The following DMD variants were observed in gnomAD, a reference collection of about 807,000 sequenced individuals.
DMD encodes mutant dystrophin.
In DMD, 63 loss-of-function variants were observed where a neutral mutation model predicts 330.1. The ratio of observed to expected loss-of-function variants is 0.19; its 90% CI spans 0.16 to 0.24. The LOEUF (loss-of-function observed/expected upper bound fraction) is 0.24. DMD is among the 10% of genes least tolerant of loss of function. The probability of loss-of-function intolerance (pLI) is 1.00; values close to 1 mark genes in which losing one functional copy is unlikely to be tolerated. For synonymous variants in DMD, 1,223 were observed against 959.8 expected, an observed-to-expected ratio of 1.27 and a Z score of -5.07; for missense variants, 3,344 against 2,684.1, an observed-to-expected ratio of 1.25 and a Z score of -5.43.
chrX:32,865,215 T>TA (rs2082386911), intron 2 of DMD, among the ~76,000 whole-genome samples: 1 of 111,367 alleles, frequency 9.0e-6, no homozygotes, highest in Non-Finnish European at 1.9e-5. Context: ...AGATAAAAGA[T>TA]AAAAACATAC....
chrX:31,491,978 G>A (rs768961545), intron 57 of DMD, among the ~76,000 whole-genome samples: 1 of 111,904 alleles, frequency 8.9e-6, no homozygotes, highest in African/African-American at 3.2e-5. Context: ...ATTTTAATGG[G>A]ATTTGTATCC....
intron 1 of DMD, among the ~76,000 whole-genome samples, chrX:33,146,119 C>T (rs932215384): frequency 2.7e-5 from 3 of 110,505 alleles, no homozygotes; most frequent in Non-Finnish European, 3.8e-5. Flanking sequence ...TGGTCTTGAT[C>T]TCCTAACCTC....
chrX:32,524,223 C>T (rs1054021568), intron 17 of DMD, among the ~76,000 whole-genome samples: 1 of 111,753 alleles, frequency 8.9e-6, no homozygotes, highest in South Asian at 3.7e-4. Flanking sequence ...CGTGAGCCAC[C>T]GCGCCCGGCC....
chrX:31,298,226 T>C (rs1480798866), intron 62 of DMD, among the ~76,000 whole-genome samples: 1 of 112,007 alleles, frequency 8.9e-6, no homozygotes, highest in Non-Finnish European at 1.9e-5. Context: ...TTTTGTATAA[T>C]AAATGAAAAT....
chrX:32,561,481 T>C (rs2050998309), intron 16 of DMD, among the ~76,000 whole-genome samples: 2 of 111,930 alleles, frequency 1.8e-5, no homozygotes, highest in South Asian at 7.5e-4. Context: ...AAAATGAATG[T>C]ACAAAACGTC....
intron 1 of DMD, among the ~76,000 whole-genome samples, chrX:33,071,939 T>C (rs1342006148): frequency 6.2e-5 from 7 of 112,287 alleles, no homozygotes. Context: ...TTATATATCT[T>C]TCAAAAATAG....
chrX:31,769,515 A>T (rs761730257), intron 51 of DMD, among the ~76,000 whole-genome samples: 24 of 112,136 alleles, frequency 2.1e-4, no homozygotes, highest in Admixed American at 1.8e-3. Flanking sequence ...AGCTGTATCC[A>T]ATCTTTTGGC....
chrX:32,492,303 A>G (rs1464080174), intron 19 of DMD, among the ~76,000 whole-genome samples: 2 of 112,383 alleles, frequency 1.8e-5, no homozygotes, highest in Non-Finnish European at 3.8e-5. Flanking sequence ...GCGCCACTGC[A>G]CTCCAGCCTG....
chrX:32,101,378 A>G (rs1405898064), intron 44 of DMD, among the ~76,000 whole-genome samples: 2 of 111,192 alleles, frequency 1.8e-5, no homozygotes, highest in African/African-American at 6.5e-5. Context: ...AAGCTCGGAA[A>G]CCTCACACAG....
chrX:31,712,079 A>G (rs2084680254), intron 52 of DMD, among the ~76,000 whole-genome samples: 1 of 111,826 alleles, frequency 8.9e-6, no homozygotes, highest in Non-Finnish European at 1.9e-5. Context: ...AGAAGAGAGG[A>G]TTACAAAAAA....
chrX:32,528,039 C>T (rs1055205734), intron 17 of DMD, among the ~76,000 whole-genome samples: 12 of 112,145 alleles, frequency 1.1e-4, no homozygotes, highest in Non-Finnish European at 1.3e-4. Context: ...CCAGGCGTGG[C>T]GGCTCATGCC....
At chrX:32,023,729 G>A (rs1194329829) in intron 44 of DMD, among the ~76,000 whole-genome samples, 3 of 111,644 alleles carry the variant, frequency 2.7e-5, no homozygotes, top group Admixed American at 9.5e-5. Context: ...AATGTGGCGC[G>A]TATACACCAT....
At chrX:31,172,970 T>C (rs1025546128) in intron 72 of DMD, among the ~76,000 whole-genome samples, 1 of 111,846 alleles carries the variant, frequency 8.9e-6, no homozygotes, top group African/African-American at 3.2e-5. Context: ...TTGTTTGTTT[T>C]TTTACAACTA....
chrX:32,627,760 G>C (rs2058447984), intron 11 of DMD, among the ~76,000 whole-genome samples: 1 of 110,896 alleles, frequency 9.0e-6, no homozygotes, highest in Admixed American at 9.6e-5. Context: ...AAGTTCATTT[G>C]GTGGAATTTT....
chrX:32,663,184 C>A (rs2061061682), intron 9 of DMD, among the ~76,000 whole-genome samples: 1 of 111,655 alleles, frequency 9.0e-6, no homozygotes, highest in South Asian at 3.8e-4. Flanking sequence ...ATGCCATCAG[C>A]ACAGGGATAT....
chrX:31,601,965 C>T (rs771546453), intron 55 of DMD, among the ~76,000 whole-genome samples: 1 of 111,144 alleles, frequency 9.0e-6, no homozygotes, highest in African/African-American at 3.3e-5. Context: ...TGCAAATGGA[C>T]CCAAACAGAC....
intron 42 of DMD, among the ~76,000 whole-genome samples, chrX:32,299,006 A>C (rs753865203): frequency 1.8e-5 from 2 of 110,996 alleles, no homozygotes; most frequent in African/African-American, 6.6e-5. Flanking sequence ...CCTTCCAGAA[A>C]ACCTTTCCTT....
intron 59 of DMD, among the ~76,000 whole-genome samples, chrX:31,449,590 T>G (rs2065538106): frequency 9.3e-6 from 1 of 107,033 alleles, no homozygotes; most frequent in Non-Finnish European, 1.9e-5. Flanking sequence ...CAAAGCAAAA[T>G]GAAGCTTGTA....
chrX:33,246,372 C>T (rs767126368), intron 1 of DMD, among the ~76,000 whole-genome samples: 2 of 111,390 alleles, frequency 1.8e-5, no homozygotes, highest in African/African-American at 3.3e-5. Flanking sequence ...TTCATTTATA[C>T]AGTTCCAGTG....
Sources: allele counts gnomAD v4.1 joint callset (sites outside exome capture counted in the v4.1 genomes callset), GRCh38; gene constraint gnomAD v4.1.1; transcripts MANE v1.5; gene names NCBI Gene and HGNC (gene_info 2026-07-23, HGNC 2026-07-21).